Variants in STYXL1 observed in about 807,000 individuals in gnomAD.
STYXL1 encodes serine/threonine/tyrosine interacting like 1, also known as serine/threonine/tyrosine-interacting-like protein 1.
STYXL1 carries 32 observed loss-of-function variants against 36.4 expected under a neutral mutation model. That is an observed-to-expected ratio of 0.88 (90% CI 0.66 to 1.18). The LOEUF (loss-of-function observed/expected upper bound fraction) is 1.18. Among genes scored for constraint, STYXL1 ranks in the 50% most tolerant of loss-of-function variants. The pLI is 0.00. For missense variants in STYXL1, 354 were observed against 394.1 expected (o/e 0.90, Z 0.86); for synonymous variants, 133 against 144.1 (o/e 0.92, Z 0.55).
intron 3 of STYXL1, among the ~76,000 whole-genome samples, chr7:76,024,859 G>A (rs1794488271): frequency 6.9e-6 from 1 of 145,152 alleles, no homozygotes; most frequent in African/African-American, 2.6e-5. Flanking sequence ...TGAGGCAGAA[G>A]AATTGCCTGA....
intron 1 of STYXL1, among the ~76,000 whole-genome samples, chr7:76,033,586 T>C (rs1563516853): frequency 6.6e-6 from 1 of 152,148 alleles, no homozygotes; most frequent in Non-Finnish European, 1.5e-5. Context: ...TACCAGACGA[T>C]GCTCCTGGGA....
chr7:76,013,679 C>G, intron 5 of STYXL1, 63 bp downstream of exon 5: 1 of 1,608,980 alleles, frequency 6.2e-7, no homozygotes, highest in Non-Finnish European at 8.5e-7. Context: ...CAGTCACCCA[C>G]AAGTCAGTTT....
intron 1 of STYXL1, among the ~76,000 whole-genome samples, chr7:76,033,791 C>T (rs547759670): frequency 2.0e-5 from 3 of 152,238 alleles, no homozygotes; most frequent in Admixed American, 6.5e-5. Context: ...CTCTCAAAAG[C>T]GTGGTGTTTC....
intron 4 of STYXL1, among the ~76,000 whole-genome samples, chr7:76,019,307 T>G (rs1478292949): frequency 6.6e-6 from 1 of 151,660 alleles, no homozygotes; most frequent in Non-Finnish European, 1.5e-5. Flanking sequence ...TTAAATACGT[T>G]TTTTTTAGAG....
chr7:76,000,391 C>T (rs1790740191), intron 8 of STYXL1: 1 of 456,610 alleles, frequency 2.2e-6, no homozygotes, highest in Non-Finnish European at 4.4e-6. Context: ...CTATCAAGCC[C>T]TCTGGGGATC....
chr7:76,016,204 A>G (rs1257523974), intron 4 of STYXL1, among the ~76,000 whole-genome samples: 1 of 151,876 alleles, frequency 6.6e-6, no homozygotes, highest in Non-Finnish European at 1.5e-5. Context: ...ATCTATACAT[A>G]TGTACATGTA....
rs782575857 is a variant in STYXL1 at position 76,037,653 on chromosome 7, C to T, written c.-4-7126G>A. On this transcript the variant is annotated intron_variant, in intron 1 of 8. Transcript: ENST00000359697. The stretch of plus-strand genomic sequence containing the variant: ...TGACCACAGGCTTCTTGTAGGAGTT[C>T]GAGGATACTGCAGGCTTGACCCAGC... 2.7e-5 allele frequency among the ~76,000 whole-genome samples: 4 copies of T among 149,804 alleles called. 1 individual carries two copies. Among genetic ancestry groups the T allele is most frequent in the Admixed American group, 6.7e-5 (1 of 15,014 alleles).
At chr7:76,022,093 G>A (rs1554576455) in intron 3 of STYXL1, 101 bp from the exon 4 acceptor site, 20 of 1,519,494 alleles carry the variant, frequency 1.3e-5, no homozygotes, top group African/African-American at 2.8e-5. Context: ...AGCTAAGACC[G>A]CACTCTCTCC....
chr7:76,005,489 C>G, intron 5 of STYXL1, 85 bp from the exon 6 acceptor site: 3 of 1,380,988 alleles, frequency 2.2e-6, no homozygotes, highest in Non-Finnish European at 3.0e-6. Context: ...GCTCAGCAAA[C>G]GAGCGTAAAA....
chr7:76,037,081 G>A (rs1387972313), intron 1 of STYXL1, among the ~76,000 whole-genome samples: 1 of 150,102 alleles, frequency 6.7e-6, no homozygotes, highest in Non-Finnish European at 1.5e-5. Flanking sequence ...ACCGCACCCG[G>A]CCAGCTCTTC....
intron 1 of STYXL1, among the ~76,000 whole-genome samples, chr7:76,033,761 C>T (rs144806370): frequency 7.2e-4 from 110 of 152,222 alleles, no homozygotes; most frequent in African/African-American, 2.5e-3. Flanking sequence ...CCAGCAGAAG[C>T]GTGGAAAGAG....
At chr7:76,009,404 T>C (rs1792259723) in intron 5 of STYXL1, among the ~76,000 whole-genome samples, 1 of 151,542 alleles carries the variant, frequency 6.6e-6, no homozygotes, top group African/African-American at 2.4e-5. Context: ...ACCTCCTAAA[T>C]CTTTCTTTCT....
chr7:76,006,424 C>T lies in STYXL1; in HGVS notation c.454-1020G>A, dbSNP rs1554570395. Among the ~76,000 whole-genome samples, 4 of 152,118 alleles carry T rather than the reference C, an allele frequency of 2.6e-5. 1 individual carries two copies. ...CAGAGGGGTAGAGAGAACAAGACAC[C>T]TACTTAAATGGGAGCTTCCTGAGTT... On this transcript the variant is annotated intron_variant, in intron 5 of 8. Coordinates refer to ENST00000359697, the MANE Select transcript of STYXL1 (RefSeq NM_001317785.2).
intron 1 of STYXL1, chr7:76,044,505 T>C (rs1220993370): frequency 2.0e-5 from 3 of 152,038 alleles, no homozygotes; most frequent in Non-Finnish European, 2.9e-5. Flanking sequence ...GTAGAAGGCT[T>C]GGGAGGTAGC....
chr7:76,039,087 G>A (rs1796230431), intron 1 of STYXL1, among the ~76,000 whole-genome samples: 2 of 148,516 alleles, frequency 1.3e-5, no homozygotes, highest in African/African-American at 5.2e-5. Context: ...ACAGGCATGT[G>A]CCACCATTCC....
In STYXL1 at chr7:75,999,511, A is replaced by ATGTGTGTGTG. The variant is rs71301271; in HGVS notation, c.810+1369_810+1378dup. 3.5e-3 allele frequency among the ~76,000 whole-genome samples: 336 copies of ATGTGTGTGTG among 95,916 alleles called. 4 individuals carry two copies. The highest frequency in any genetic ancestry group is 0.02 in the South Asian group (64 of 3,192). The allele number at this position is 95,916 out of a possible 152,430, so 62.9% of individuals were successfully genotyped here. A position where few individuals can be genotyped will look rare whatever the true frequency, so the allele number is the denominator to read the frequency against. ...TTTTGTTGTGTGTGTGTGTGTGTGT[A>ATGTGTGTGTG]TGTGTGTGTGTGTGTGTGTGTGTGT... On this transcript the variant is annotated intron_variant, in intron 8 of 8. Coordinates refer to ENST00000359697, the MANE Select transcript of STYXL1 (RefSeq NM_001317785.2).
chr7:76,046,288 G>C (rs893999657), intron 1 of STYXL1, among the ~76,000 whole-genome samples: 183 of 9,050 alleles, frequency 0.02, 1 homozygote, highest in African/African-American at 0.043. Context: ...GTGTGTGTGT[G>C]TGTGTGTGTG....
intron 1 of STYXL1, among the ~76,000 whole-genome samples, chr7:76,030,895 T>G (rs1011422745): frequency 4.1e-5 from 6 of 145,444 alleles, no homozygotes; most frequent in Non-Finnish European, 9.0e-5. Flanking sequence ...GAGTGGTGGC[T>G]CACACCTGTA....
At chr7:76,021,080 A>ATTATTTTTTTTTTTTTTTTTT (rs1793999127) in intron 4 of STYXL1, among the ~76,000 whole-genome samples, 1 of 144,900 alleles carries the variant, frequency 6.9e-6, no homozygotes, top group African/African-American at 2.6e-5. Flanking sequence ...TGTTACAAGA[A>ATTATTTTTTTTTTTTTTTTTT]TTTTTTTTTT....
Sources: allele counts gnomAD v4.1 joint callset (sites outside exome capture counted in the v4.1 genomes callset), GRCh38; gene constraint gnomAD v4.1.1; transcripts MANE v1.5; gene names NCBI Gene and HGNC (gene_info 2026-07-23, HGNC 2026-07-21).